Variants in RPS6KA3 observed in about 807,000 individuals in gnomAD.
RPS6KA3 encodes ribosomal protein S6 kinase A3.
A neutral mutation model predicts 67.2 loss-of-function variants in RPS6KA3; 4 were observed. The observed-to-expected ratio is 0.06, with a 90% CI of 0.03 to 0.14. The LOEUF is 0.14. Among genes scored for constraint, RPS6KA3 ranks in the 10% least tolerant of loss-of-function variants. The pLI is 1.00. For synonymous variants in RPS6KA3, 182 were observed against 183.7 expected, an observed-to-expected ratio of 0.99 and a Z score of 0.07; for missense variants, 204 against 559.0, an observed-to-expected ratio of 0.36 and a Z score of 6.40.
chrX:20,213,322 T>A (rs1317910180), intron 2 of RPS6KA3, among the ~76,000 whole-genome samples: 1 of 112,373 alleles, frequency 8.9e-6, no homozygotes, highest in African/African-American at 3.2e-5. Flanking sequence ...TGATAATTTC[T>A]TAATTTATTA....
intron 2 of RPS6KA3, among the ~76,000 whole-genome samples, chrX:20,228,256 G>A (rs960288375): frequency 8.0e-5 from 9 of 111,829 alleles, no homozygotes; most frequent in Non-Finnish European, 1.5e-4. Flanking sequence ...AAATATTTGC[G>A]TGAGGCATTA....
chrX:20,226,977 CTT>C (rs899430678), intron 2 of RPS6KA3, among the ~76,000 whole-genome samples: 10 of 112,017 alleles, frequency 8.9e-5, no homozygotes, highest in Admixed American at 3.8e-4. Context: ...AGTTACATCT[CTT>C]GTGTACAATT....
At chrX:20,236,144 G>A (rs1179219825) in intron 1 of RPS6KA3, among the ~76,000 whole-genome samples, 1 of 110,695 alleles carries the variant, frequency 9.0e-6, no homozygotes, top group Non-Finnish European at 1.9e-5. Context: ...ACTCTGGAAG[G>A]ATATACACCA....
intron 7 of RPS6KA3, among the ~76,000 whole-genome samples, chrX:20,189,638 T>C (rs1447161213): frequency 8.9e-6 from 1 of 112,055 alleles, no homozygotes; most frequent in Non-Finnish European, 1.9e-5. Flanking sequence ...TTAAAAGTAA[T>C]GGCAAAAACT....
chrX:20,195,525 C>T (rs1204814595), intron 4 of RPS6KA3, among the ~76,000 whole-genome samples: 1 of 111,707 alleles, frequency 9.0e-6, no homozygotes, highest in African/African-American at 3.3e-5. Context: ...TTCAACATTC[C>T]ATCAGTCCTA....
intron 17 of RPS6KA3, among the ~76,000 whole-genome samples, chrX:20,167,077 G>A (rs961516255): frequency 1.8e-5 from 2 of 110,761 alleles, no homozygotes; most frequent in Admixed American, 9.7e-5. Flanking sequence ...TGCCTGCCTC[G>A]GCCTCCCAAA....
chrX:20,199,843 T>G (rs1488553243), intron 4 of RPS6KA3, among the ~76,000 whole-genome samples: 2 of 112,238 alleles, frequency 1.8e-5, no homozygotes, highest in African/African-American at 6.5e-5. Flanking sequence ...CACAGGAAAC[T>G]AGAAGACAAT....
intron 20 of RPS6KA3, among the ~76,000 whole-genome samples, chrX:20,156,511 A>G (rs1002426331): frequency 1.7e-4 from 19 of 110,075 alleles, no homozygotes; most frequent in Non-Finnish European, 3.4e-4. Context: ...TTTCCTTCAG[A>G]TTTTCTGAGT....
chrX:20,169,913 A>G, intron 15 of RPS6KA3, among the ~76,000 whole-genome samples: 1 of 112,300 alleles, frequency 8.9e-6, no homozygotes. Flanking sequence ...TAACACCACC[A>G]CTAGCATCTG....
At chrX:20,197,536 TAAA>T (rs1404935844) in intron 4 of RPS6KA3, among the ~76,000 whole-genome samples, 1 of 112,199 alleles carries the variant, frequency 8.9e-6, no homozygotes, top group Non-Finnish European at 1.9e-5. Context: ...TCCTCCTCTA[TAAA>T]ATGAAGGATT....
intron 4 of RPS6KA3, among the ~76,000 whole-genome samples, chrX:20,195,581 C>G (rs1014665129): frequency 4.5e-5 from 5 of 111,598 alleles, no homozygotes; most frequent in Non-Finnish European, 9.4e-5. Context: ...TAAAATGAGG[C>G]AGACATGGGG....
Position 20,180,493 on chromosome X carries a change from T to G in RPS6KA3, c.846-3409A>C, listed in dbSNP as rs1301116039. 3.6e-5 allele frequency among the ~76,000 whole-genome samples: 4 copies of G among 112,020 alleles called. No individual in the cohort carries two copies. In the Admixed American group the frequency reaches 3.8e-4, roughly 11 times the overall value. ...CTGGTTTTAAATCCTTTCAGTTGGT[T>G]TAAAATCCATTGAATTGATCAATGA... On this transcript the variant is annotated intron_variant, in intron 10 of 21. Coordinates refer to ENST00000379565, the MANE Select transcript of RPS6KA3 (RefSeq NM_004586.3).
At chrX:20,192,663 C>T (rs937291188) in intron 7 of RPS6KA3, among the ~76,000 whole-genome samples, 2 of 90,907 alleles carry the variant, frequency 2.2e-5, no homozygotes, top group African/African-American at 4.4e-5. Flanking sequence ...TGCAACAGAG[C>T]GATCTTGGCT....
At chrX:20,205,474 G>A (rs1569233535) in intron 3 of RPS6KA3, among the ~76,000 whole-genome samples, 1 of 112,430 alleles carries the variant, frequency 8.9e-6, no homozygotes, top group Non-Finnish European at 1.9e-5. Context: ...GAGAAATTGT[G>A]CCAAGTCAAT....
At chrX:20,198,097 G>A (rs188235238) in intron 4 of RPS6KA3, among the ~76,000 whole-genome samples, 70 of 111,915 alleles carry the variant, frequency 6.3e-4, no homozygotes, top group Admixed American at 1.2e-3. Flanking sequence ...CCCATTTATC[G>A]TATTAACAGG....
intron 2 of RPS6KA3, among the ~76,000 whole-genome samples, chrX:20,211,553 A>C (rs925443804): frequency 3.6e-5 from 4 of 110,772 alleles, no homozygotes; most frequent in South Asian, 3.7e-4. Flanking sequence ...AAAAAAACAA[A>C]AAAAAAAAAC....
chrX:20,248,807 GATATTGCAACTGGT>G (rs2069777904), intron 1 of RPS6KA3, among the ~76,000 whole-genome samples: 1 of 112,080 alleles, frequency 8.9e-6, no homozygotes, highest in South Asian at 3.6e-4. Context: ...TCAAAGCCAG[GATATTGCAACTGGT>G]ACAATGCACA....
intron 2 of RPS6KA3, among the ~76,000 whole-genome samples, chrX:20,232,692 A>G (rs1569257014): frequency 1.8e-5 from 2 of 112,673 alleles, no homozygotes; most frequent in Non-Finnish European, 3.7e-5. Context: ...ATAGACATGG[A>G]GTTAATATCC....
chrX:20,244,442 T>A (rs1234464930), intron 1 of RPS6KA3, among the ~76,000 whole-genome samples: 3 of 112,619 alleles, frequency 2.7e-5, no homozygotes, highest in Non-Finnish European at 5.6e-5. Context: ...AGGAAATAAG[T>A]AACAGCTATC....
Sources: gnomAD v4.1 joint callset for allele counts (sites outside exome capture counted in the v4.1 genomes callset) on GRCh38, gnomAD v4.1.1 for gene constraint, MANE v1.5 for transcripts, NCBI Gene and HGNC (gene_info 2026-07-23, HGNC 2026-07-21) for gene names.